GMDS: variants seen among roughly 807,000 people sequenced by gnomAD.
GMDS encodes the protein GDP-mannose 4,6-dehydratase, also known as GDP-mannose 4,6 dehydratase.
GMDS carries 20 observed loss-of-function variants against 49.9 expected under a neutral mutation model. That is an observed-to-expected ratio of 0.40 (90% confidence interval 0.28 to 0.58). The LOEUF (loss-of-function observed/expected upper bound fraction) is 0.58. Ranked by LOEUF, GMDS falls within the 20% of genes least tolerant of loss-of-function variation. The pLI, the probability that GMDS is intolerant of heterozygous loss-of-function variation, is 0.42. For synonymous variants in GMDS, 177 were observed against 178.6 expected, an observed-to-expected ratio of 0.99 and a Z score of 0.07; for missense variants, 362 against 481.4, an observed-to-expected ratio of 0.75 and a Z score of 2.32.
intron 9 of GMDS, among the ~76,000 whole-genome samples, chr6:1,637,729 C>T (rs1229768244): frequency 1.3e-5 from 2 of 152,246 alleles, no homozygotes; most frequent in African/African-American, 2.4e-5. Context: ...GCCAGTCAGT[C>T]CCTGCACTGG....
intron 9 of GMDS, among the ~76,000 whole-genome samples, chr6:1,688,812 G>A (rs1039289371): frequency 1.3e-5 from 2 of 152,324 alleles, no homozygotes; most frequent in Non-Finnish European, 2.9e-5. Context: ...CCAATTGACA[G>A]CATCTGTTTG....
intron 4 of GMDS, among the ~76,000 whole-genome samples, chr6:2,055,443 G>C (rs11242735): frequency 0.21 from 32,138 of 151,986 alleles, 3,758 homozygotes; most frequent in Non-Finnish European, 0.25. Flanking sequence ...TCGTTGGCTG[G>C]TCCACTATTT....
At chr6:2,164,837 A>C (rs573071056) in intron 1 of GMDS, among the ~76,000 whole-genome samples, 5 of 152,348 alleles carry the variant, frequency 3.3e-5, no homozygotes, top group African/African-American at 1.2e-4. Flanking sequence ...TTTGAGCTGG[A>C]AAATAAAATG....
chr6:1,846,383 G>A (rs919639967), intron 7 of GMDS, among the ~76,000 whole-genome samples: 9 of 152,108 alleles, frequency 5.9e-5, no homozygotes, highest in African/African-American at 2.2e-4. Context: ...GTGAGCCACT[G>A]TGTCCAGCCA....
At chr6:2,065,719 G>A (rs970072544) in intron 4 of GMDS, among the ~76,000 whole-genome samples, 3 of 152,004 alleles carry the variant, frequency 2.0e-5, no homozygotes, top group African/African-American at 2.4e-5. Context: ...GAAGTTTAGA[G>A]AAAAAAGAAT....
chr6:1,781,011 T>C (rs1472658007), intron 7 of GMDS, among the ~76,000 whole-genome samples: 1 of 152,160 alleles, frequency 6.6e-6, no homozygotes, highest in East Asian at 1.9e-4. Flanking sequence ...CTGAAACTGT[T>C]GCAGTTCGAC....
intron 4 of GMDS, among the ~76,000 whole-genome samples, chr6:2,032,564 A>G (rs1301005823): frequency 6.6e-6 from 1 of 152,202 alleles, no homozygotes; most frequent in African/African-American, 2.4e-5. Context: ...TTAAATATTT[A>G]CTGATGCCTA....
chr6:2,149,054 G>A (rs766250329), intron 1 of GMDS, among the ~76,000 whole-genome samples: 5 of 152,094 alleles, frequency 3.3e-5, no homozygotes, highest in Non-Finnish European at 7.4e-5. Flanking sequence ...CTTCACCAAT[G>A]AGGAAAGCAA....
At chr6:2,005,871 C>T (rs954469348) in intron 4 of GMDS, among the ~76,000 whole-genome samples, 4 of 152,144 alleles carry the variant, frequency 2.6e-5, no homozygotes, top group Admixed American at 6.6e-5. Flanking sequence ...CCTAATTCTC[C>T]TGCTACTTTT....
intron 9 of GMDS, among the ~76,000 whole-genome samples, chr6:1,713,806 T>C (rs1766070276): frequency 6.6e-6 from 1 of 152,230 alleles, no homozygotes; most frequent in African/African-American, 2.4e-5. Flanking sequence ...ATCTGAGTTC[T>C]TATTTTTTCA....
At chr6:2,079,976 C>T (rs1772580892) in intron 4 of GMDS, among the ~76,000 whole-genome samples, 1 of 152,134 alleles carries the variant, frequency 6.6e-6, no homozygotes, top group African/African-American at 2.4e-5. Flanking sequence ...TCCCATATGT[C>T]TCGAAGGCTT....
At chr6:1,625,943 CT>C (rs1192621044) in intron 9 of GMDS, among the ~76,000 whole-genome samples, 2 of 152,220 alleles carry the variant, frequency 1.3e-5, no homozygotes, top group African/African-American at 4.8e-5. Context: ...AAAGAACAGC[CT>C]AAAAGGAGTT....
intron 4 of GMDS, among the ~76,000 whole-genome samples, chr6:2,039,218 A>G (rs1581556883): frequency 6.6e-6 from 1 of 152,182 alleles, no homozygotes; most frequent in Non-Finnish European, 1.5e-5. Context: ...AAAATGGTAC[A>G]TCCGTATAAG....
At chr6:1,667,411 C>G (rs759089623) in intron 9 of GMDS, among the ~76,000 whole-genome samples, 15 of 152,278 alleles carry the variant, frequency 9.9e-5, no homozygotes, top group Non-Finnish European at 1.9e-4. Context: ...GTACCTTTGA[C>G]CCAATTGCAT....
intron 9 of GMDS, among the ~76,000 whole-genome samples, chr6:1,684,327 A>G (rs28539691): frequency 0.35 from 53,833 of 152,000 alleles, 9,814 homozygotes; most frequent in East Asian, 0.49. Flanking sequence ...TACTTCCCAG[A>G]TGAACCGTGG....
chr6:2,119,620 C>T (rs1447680843), intron 2 of GMDS, among the ~76,000 whole-genome samples: 2 of 152,118 alleles, frequency 1.3e-5, no homozygotes, highest in Admixed American at 1.3e-4. Context: ...GCGGCTTTCT[C>T]TTTACAGAAG....
At chr6:2,066,150 T>C (rs570733676) in intron 4 of GMDS, among the ~76,000 whole-genome samples, 7 of 151,858 alleles carry the variant, frequency 4.6e-5, no homozygotes, top group African/African-American at 1.7e-4. Flanking sequence ...CAACCCAGAA[T>C]TTCATATCCA....
intron 7 of GMDS, among the ~76,000 whole-genome samples, chr6:1,808,099 T>G (rs557992840): frequency 1.5e-4 from 23 of 152,334 alleles, no homozygotes; most frequent in South Asian, 1.0e-3. Flanking sequence ...CCTCCCTGAT[T>G]AAACTGATAA....
intron 4 of GMDS, among the ~76,000 whole-genome samples, chr6:1,978,730 T>A (rs760688763): frequency 6.6e-6 from 1 of 152,212 alleles, no homozygotes; most frequent in Non-Finnish European, 1.5e-5. Context: ...CAACACAGCA[T>A]AGCTGCTCTA....
Sources: gnomAD v4.1 joint callset for allele counts (sites outside exome capture counted in the v4.1 genomes callset) on GRCh38, gnomAD v4.1.1 for gene constraint, MANE v1.5 for transcripts, NCBI Gene and HGNC (gene_info 2026-07-23, HGNC 2026-07-21) for gene names.